The following DIAPH2 variants were observed in gnomAD, a reference collection of about 807,000 sequenced individuals.
The protein encoded by DIAPH2 is diaphanous related formin 2.
A neutral mutation model predicts 92.7 loss-of-function variants in DIAPH2; 35 were observed. The observed-to-expected ratio is 0.38, with a 90% CI of 0.29 to 0.50. DIAPH2 has a LOEUF of 0.50. Among genes scored for constraint, DIAPH2 ranks in the 20% least tolerant of loss-of-function variants. The pLI is 0.94. For missense variants in DIAPH2, 701 were observed against 819.5 expected, an observed-to-expected ratio of 0.86 and a Z score of 1.77; for synonymous variants, 301 against 280.4, an observed-to-expected ratio of 1.07 and a Z score of -0.73.
chrX:96,771,748 ACC>A (rs2064340492), intron 4 of DIAPH2, among the ~76,000 whole-genome samples: 1 of 111,401 alleles, frequency 9.0e-6, no homozygotes, highest in Non-Finnish European at 1.9e-5. Flanking sequence ...TTTAGAAGTT[ACC>A]TTAGGCTAGA....
At chrX:97,317,915 C>T (rs772765357) in intron 23 of DIAPH2, among the ~76,000 whole-genome samples, 5 of 111,803 alleles carry the variant, frequency 4.5e-5, no homozygotes, top group Non-Finnish European at 9.4e-5. Flanking sequence ...TATGATACAA[C>T]CAGTTTAGCT....
intron 25 of DIAPH2, among the ~76,000 whole-genome samples, chrX:97,402,051 G>A (rs760451012): frequency 2.7e-5 from 3 of 112,584 alleles, no homozygotes; most frequent in African/African-American, 6.4e-5. Flanking sequence ...GACAAAGTGG[G>A]AGGATACCCT....
At chrX:97,006,337 T>C (rs188841326) in intron 17 of DIAPH2, among the ~76,000 whole-genome samples, 80 of 112,268 alleles carry the variant, frequency 7.1e-4, no homozygotes, top group African/African-American at 2.3e-3. Flanking sequence ...TCTTTGTTGG[T>C]TTTCTGTCTG....
intron 26 of DIAPH2, among the ~76,000 whole-genome samples, chrX:97,458,638 A>G (rs2070431057): frequency 9.0e-6 from 1 of 111,482 alleles, no homozygotes. Context: ...ATTGGAGCAC[A>G]TGATGGCTAG....
rs111664322 is a variant in DIAPH2, at chrX:97,288,347, T to G, written c.2844+40508T>G. ...TGGAAGCAGTAAGGTTAAAGGAAAT[T>G]GACAGGGCTAGTAATTATATAATTT... On this transcript the variant is annotated intron_variant, in intron 23 of 26. Transcript: ENST00000324765. Among the ~76,000 whole-genome samples, 432 of 111,302 alleles carry G rather than the reference T, an allele frequency of 3.9e-3. 1 individual carries two copies. Among genetic ancestry groups the G allele is most frequent in the African/African-American group, 0.013 (400 of 30,671 alleles).
chrX:97,193,959 G>A (rs1396892696), intron 22 of DIAPH2, among the ~76,000 whole-genome samples: 3 of 111,497 alleles, frequency 2.7e-5, no homozygotes, highest in Non-Finnish European at 5.6e-5. Flanking sequence ...TTGGTATTCA[G>A]TGTATCTTTT....
chrX:97,563,865 A>G (rs2071309690), intron 26 of DIAPH2, among the ~76,000 whole-genome samples: 1 of 111,481 alleles, frequency 9.0e-6, no homozygotes, highest in African/African-American at 3.3e-5. Context: ...AGGTGTTGTA[A>G]TCACAATGGT....
At position 97,570,119 on chromosome X, in the gene DIAPH2, TATATTAGA is replaced by T. The variant is rs1569426228; in HGVS notation, c.3242-29132_3242-29125del. ...ATATATATATATATATATATATATA[TATATTAGA>T]AGATAGATAGATAGATAGATAGATA... On this transcript the variant is annotated intron_variant, in intron 26 of 26. Coordinates refer to ENST00000324765, the MANE Select transcript of DIAPH2 (RefSeq NM_006729.5). Among the ~76,000 whole-genome samples the T allele has an allele frequency of 8.4e-3, 206 of 24,380 alleles. 3 individuals are homozygous for T. Among genetic ancestry groups the T allele is most frequent in the African/African-American group, 0.022 (192 of 8,640 alleles). The allele number at this position is 24,380 out of a possible 115,157, so 21.2% of individuals were successfully genotyped here. A position where few individuals can be genotyped will look rare whatever the true frequency, so the allele number is the denominator to read the frequency against.
chrX:97,055,708 A>G (rs944710632), intron 17 of DIAPH2, among the ~76,000 whole-genome samples: 3 of 111,578 alleles, frequency 2.7e-5, no homozygotes, highest in Non-Finnish European at 5.7e-5. Context: ...GGTCACTAAT[A>G]TATAAGGAGT....
chrX:97,092,332 A>G (rs7062204), intron 19 of DIAPH2, among the ~76,000 whole-genome samples: 1,714 of 113,011 alleles, frequency 0.015, 13 homozygotes, highest in Non-Finnish European at 0.024. Flanking sequence ...TGCTGGAAGC[A>G]GAAGTCTATT....
At position 97,159,430 on chromosome X, in the gene DIAPH2, T is replaced by G. The variant is rs181686197; in HGVS notation, c.2719+17636T>G. 2.5e-4 allele frequency among the ~76,000 whole-genome samples: 28 copies of G among 112,510 alleles called. 1 individual carries two copies. The highest frequency in any genetic ancestry group is 5.5e-4 in the East Asian group (2 of 3,609). On this transcript the variant is annotated intron_variant, in intron 22 of 26. Coordinates refer to ENST00000324765, the MANE Select transcript of DIAPH2 (RefSeq NM_006729.5). ...TGATTCAGGGTTAAAGAAAACTTTT[T>G]TTCAATCTAATTAGTCCTTGTAGCC...
chrX:97,332,836 A>G (rs909056483), intron 23 of DIAPH2, among the ~76,000 whole-genome samples: 2 of 111,843 alleles, frequency 1.8e-5, no homozygotes, highest in Non-Finnish European at 3.8e-5. Flanking sequence ...AAGTAATTTC[A>G]TAACTGTATC....
At chrX:97,364,201 A>G (rs2069356855) in intron 24 of DIAPH2, among the ~76,000 whole-genome samples, 1 of 111,084 alleles carries the variant, frequency 9.0e-6, no homozygotes, top group East Asian at 2.8e-4. Context: ...CCCCCACCTC[A>G]CACCCTCCTC....
At chrX:97,177,150 CTACT>C (rs1446566405) in intron 22 of DIAPH2, among the ~76,000 whole-genome samples, 1 of 110,966 alleles carries the variant, frequency 9.0e-6, no homozygotes, top group African/African-American at 3.3e-5. Flanking sequence ...GGTGGAGGGC[CTACT>C]GTATAGTTAT....
chrX:97,416,561 G>A (rs2069949025), intron 25 of DIAPH2, among the ~76,000 whole-genome samples: 2 of 112,003 alleles, frequency 1.8e-5, no homozygotes, highest in South Asian at 3.7e-4. Context: ...CAGATACTAA[G>A]AGTTAGGTGT....
At chrX:97,304,696 A>G (rs2068732186) in intron 23 of DIAPH2, among the ~76,000 whole-genome samples, 1 of 112,062 alleles carries the variant, frequency 8.9e-6, no homozygotes, top group African/African-American at 3.2e-5. Flanking sequence ...TGTGTTTATT[A>G]TAGCTGTTTC....
intron 23 of DIAPH2, among the ~76,000 whole-genome samples, chrX:97,279,050 C>T (rs1309754696): frequency 8.9e-6 from 1 of 111,846 alleles, no homozygotes; most frequent in Non-Finnish European, 1.9e-5. Context: ...CATCTGCTCT[C>T]ATCTCCTTGT....
At chrX:97,125,062 G>A (rs754508807) in intron 21 of DIAPH2, among the ~76,000 whole-genome samples, 1 of 111,591 alleles carries the variant, frequency 9.0e-6, no homozygotes, top group South Asian at 3.7e-4. Context: ...CAGAATGAGA[G>A]AAAGATAATG....
At chrX:96,899,469 A>G (rs2065375840) in intron 5 of DIAPH2, among the ~76,000 whole-genome samples, 1 of 110,305 alleles carries the variant, frequency 9.1e-6, no homozygotes, top group Non-Finnish European at 1.9e-5. Context: ...ATTCCTAGGT[A>G]TTTTCTTCTC....
Sources: gnomAD v4.1 joint callset for allele counts (sites outside exome capture counted in the v4.1 genomes callset) on GRCh38, gnomAD v4.1.1 for gene constraint, MANE v1.5 for transcripts, NCBI Gene and HGNC (gene_info 2026-07-23, HGNC 2026-07-21) for gene names.